DPY19L3: variants seen among roughly 807,000 people sequenced by gnomAD.
The protein encoded by DPY19L3 is dpy-19 like C-mannosyltransferase 3.
A neutral mutation model predicts 92.3 loss-of-function variants in DPY19L3; 51 were observed. That is an observed-to-expected ratio of 0.55 (90% CI 0.44 to 0.70). The LOEUF is 0.70. Among genes scored for constraint, DPY19L3 ranks in the 30% least tolerant of loss-of-function variants. The pLI, the probability that DPY19L3 is intolerant of heterozygous loss-of-function variation, is 0.00. For missense variants in DPY19L3, 706 were observed against 855.9 expected, an observed-to-expected ratio of 0.82 and a Z score of 2.18; for synonymous variants, 309 against 315.2, an observed-to-expected ratio of 0.98 and a Z score of 0.21.
chr19:32,481,958 A>G (rs1174778340), intron 18 of DPY19L3, 121 bp from the exon 19 acceptor site: 29 of 1,162,352 alleles, frequency 2.5e-5, no homozygotes, highest in Non-Finnish European at 3.4e-5. Flanking sequence ...TGGACATTGA[A>G]ATAATATAAT....
intron 3 of DPY19L3, among the ~76,000 whole-genome samples, chr19:32,430,084 G>A (rs146387685): frequency 2.0e-5 from 3 of 152,288 alleles, no homozygotes; most frequent in African/African-American, 4.8e-5. Context: ...TAACGCAAGT[G>A]TGTTATTGAA....
chr19:32,455,171 G>T, intron 10 of DPY19L3, 131 bp downstream of exon 10: 1 of 628,634 alleles, frequency 1.6e-6, no homozygotes, highest in Non-Finnish European at 2.5e-6. Flanking sequence ...CGTTTCCTAG[G>T]CTGGCCTTGA....
intron 7 of DPY19L3, 36 bp downstream of exon 7, chr19:32,439,271 C>T: frequency 1.3e-6 from 2 of 1,588,852 alleles, no homozygotes; most frequent in Non-Finnish European, 1.7e-6. Context: ...TTTTAATCCC[C>T]CAATTTTATA....
intron 8 of DPY19L3, among the ~76,000 whole-genome samples, chr19:32,441,788 G>A (rs1329196960): frequency 6.6e-6 from 1 of 152,124 alleles, no homozygotes; most frequent in Non-Finnish European, 1.5e-5. Context: ...GTGAGCCACT[G>A]TGCCCATCTG....
intron 3 of DPY19L3, 91 bp downstream of exon 3, chr19:32,411,463 G>A (rs777093043): frequency 2.1e-6 from 3 of 1,417,834 alleles, no homozygotes; most frequent in Non-Finnish European, 2.9e-6. Flanking sequence ...ACACAGTTTT[G>A]CCATAAAGAA....
intron 3 of DPY19L3, among the ~76,000 whole-genome samples, chr19:32,425,141 G>A (rs1968713405): frequency 6.6e-6 from 1 of 152,128 alleles, no homozygotes; most frequent in Admixed American, 6.5e-5. Flanking sequence ...ATATGCAAAT[G>A]AATCTTTTAT....
At chr19:32,482,043 C>A (rs1453828141) in intron 18 of DPY19L3, 36 bp from the exon 19 acceptor site, 1 of 1,596,492 alleles carries the variant, frequency 6.3e-7, no homozygotes, top group Non-Finnish European at 8.5e-7. Flanking sequence ...ATAGAATTTT[C>A]CCCCCAAATT....
chr19:32,447,842 AG>A (rs1969565945), intron 8 of DPY19L3, among the ~76,000 whole-genome samples: 1 of 150,386 alleles, frequency 6.6e-6, no homozygotes, highest in Non-Finnish European at 1.5e-5. Context: ...ATAGATAGAT[AG>A]ATAGATAGAT....
intron 10 of DPY19L3, 22 bp downstream of exon 10, chr19:32,455,062 G>T: frequency 7.2e-7 from 1 of 1,382,802 alleles, no homozygotes; most frequent in Non-Finnish European, 9.9e-7. Flanking sequence ...AAAATGACAT[G>T]TTTAATGTAT....
rs1203943346 is a variant in DPY19L3, at chr19:32,436,463, T to C, written c.346T>C (p.Tyr116His). The C allele has an allele frequency of 3.9e-6, 6 of 1,537,780 alleles. No individual in the cohort carries two copies. Among genetic ancestry groups the C allele is most frequent in the Middle Eastern group, 1.7e-4 (1 of 5,740 alleles). Reference protein sequence around the residue: ...TLVQGFHGLIYDNKTESMKTI... With the variant: ...TLVQGFHGLIHDNKTESMKTI... ...ATCTATAGGTTTTCATGGCCTAATATATGATAATAAAACTGAATCTATGAA... is the reference window on the plus strand; with the variant it reads ...ATCTATAGGTTTTCATGGCCTAATACATGATAATAAAACTGAATCTATGAA... The change falls in exon 5 of 19, where the codon TAT becomes CAT. Residue 116 changes from tyrosine to histidine, a missense_variant. By Grantham distance (83) the Tyr-to-His change is moderately conservative. Transcript: ENST00000392250.
At chr19:32,462,048 T>C (rs898055680) in intron 12 of DPY19L3, among the ~76,000 whole-genome samples, 3 of 152,212 alleles carry the variant, frequency 2.0e-5, no homozygotes, top group Admixed American at 1.3e-4. Flanking sequence ...GTGATAAAGT[T>C]TAATTTATAA....
chr19:32,421,598 A>G (rs943683757), intron 3 of DPY19L3, among the ~76,000 whole-genome samples: 4 of 150,154 alleles, frequency 2.7e-5, no homozygotes, highest in African/African-American at 9.8e-5. Flanking sequence ...ACTGCACTCC[A>G]GCCTGGGTGA....
intron 2 of DPY19L3, among the ~76,000 whole-genome samples, chr19:32,409,715 C>T (rs140338894): frequency 9.3e-4 from 142 of 152,138 alleles, no homozygotes; most frequent in Non-Finnish European, 1.6e-3. Context: ...ATCACATGAC[C>T]AGAGTAGAAG....
At chr19:32,408,655 C>G (rs1267616519) in intron 2 of DPY19L3, among the ~76,000 whole-genome samples, 1 of 152,204 alleles carries the variant, frequency 6.6e-6, no homozygotes, top group East Asian at 1.9e-4. Context: ...ATTTTAGTCT[C>G]TCTCTAATTT....
chr19:32,468,820 G>A lies in DPY19L3; in HGVS notation c.1697+7G>A, dbSNP rs1293336293. 2.8e-5 allele frequency: 45 copies of A among 1,609,530 alleles called. No individual in the cohort carries two copies. Among genetic ancestry groups the A allele is most frequent in the Non-Finnish European group, 3.6e-5 (42 of 1,178,396 alleles). ...AGCTGATGAACTGGATTAAGTAAGAGGATTTTTTTTAACTTTTAAAATTTT... is the reference window on the plus strand; with the variant it reads ...AGCTGATGAACTGGATTAAGTAAGAAGATTTTTTTTAACTTTTAAAATTTT... On this transcript the variant is annotated splice_region_variant and intron_variant, in intron 16 of 18. Coordinates refer to ENST00000392250, the MANE Select transcript of DPY19L3 (RefSeq NM_001172774.2).
rs551416070 is a variant in DPY19L3 at position 32,481,915 on chromosome 19, A to T, written c.1990-164A>T. The T allele has an allele frequency of 2.2e-5, 16 of 720,866 alleles. No individual in the cohort carries two copies. In the African/African-American group the frequency reaches 2.3e-4, roughly 10 times the overall value. 44.7% of individuals were successfully genotyped at this position (720,866 alleles called of 1,614,324 possible). On this transcript the variant is annotated intron_variant, in intron 18 of 18. Transcript: ENST00000392250. ...CCTTGGTCTGCACTTCTGAAGGGGG[A>T]AAAGGATGGCCCTGATGATCTCCAG...
intron 8 of DPY19L3, among the ~76,000 whole-genome samples, chr19:32,444,057 A>T (rs982004047): frequency 6.6e-6 from 1 of 151,844 alleles, no homozygotes; most frequent in Non-Finnish European, 1.5e-5. Context: ...AAGAAAAAAA[A>T]ATTCTTATAT....
chr19:32,437,659 A>T lies in DPY19L3; in HGVS notation c.596+320A>T, dbSNP rs577030316. On this transcript the variant is annotated intron_variant, in intron 6 of 18. Coordinates refer to ENST00000392250, the MANE Select transcript of DPY19L3 (RefSeq NM_001172774.2). ...ATCTCATCTCTTAAAGGGTTTTTTT[A>T]AATTGGCAAATAATAATTATACATA... is the stretch of plus-strand genomic sequence containing the variant. Among the ~76,000 whole-genome samples, 6 of 152,268 alleles carry T rather than the reference A, an allele frequency of 3.9e-5. No individual in the cohort carries two copies. The South Asian group carries it at 1.2e-3, about 32-fold the overall frequency.
chr19:32,427,248 G>A (rs1324039463), intron 3 of DPY19L3, among the ~76,000 whole-genome samples: 1 of 152,122 alleles, frequency 6.6e-6, no homozygotes, highest in Non-Finnish European at 1.5e-5. Context: ...ACCTACCTCG[G>A]CCTTCTAAAG....
Sources: allele counts gnomAD v4.1 joint callset (sites outside exome capture counted in the v4.1 genomes callset), GRCh38; gene constraint gnomAD v4.1.1; transcripts MANE v1.5; gene names NCBI Gene and HGNC (gene_info 2026-07-23, HGNC 2026-07-21).